Variants in GFRA1 observed in about 807,000 individuals in gnomAD.
GFRA1 encodes the protein GDNF family receptor alpha-1.
Under a neutral mutation model 51.6 loss-of-function variants are expected in GFRA1, and 16 were observed. That is an observed-to-expected ratio of 0.31 (90% CI 0.21 to 0.47). The LOEUF is 0.47. Among genes scored for constraint, GFRA1 ranks in the 20% least tolerant of loss-of-function variants. GFRA1 has a pLI of 1.00. For missense variants in GFRA1, 530 were observed against 594.3 expected (o/e 0.89, Z 1.13); for synonymous variants, 270 against 241.3 (o/e 1.12, Z -1.10).
chr10:116,125,127 G>T, intron 6 of GFRA1, 94 bp downstream of exon 6: 6 of 1,092,196 alleles, frequency 5.5e-6, no homozygotes, highest in Non-Finnish European at 8.4e-6. Flanking sequence ...CCTCTACCTT[G>T]GTAGAAGCAC....
intron 5 of GFRA1, among the ~76,000 whole-genome samples, chr10:116,161,055 C>A (rs1959726045): frequency 6.6e-6 from 1 of 152,150 alleles, no homozygotes; most frequent in Admixed American, 6.5e-5. Flanking sequence ...GGAGGAGGAG[C>A]CTGGGAGGCA....
In GFRA1 at chr10:116,234,201, C is replaced by T. The variant is rs539118328; in HGVS notation, c.419-22556G>A. On this transcript the variant is annotated intron_variant, in intron 4 of 10. Coordinates refer to ENST00000355422, the MANE Select transcript of GFRA1 (RefSeq NM_005264.8). Reference sequence around the variant, plus strand: ...CTAGAAGAGTTTGCCTTTTTTCCCCCTTCAGTGAAACTTTTAAAGTCCCTG... The same window carrying T: ...CTAGAAGAGTTTGCCTTTTTTCCCCTTTCAGTGAAACTTTTAAAGTCCCTG... 3.9e-5 allele frequency among the ~76,000 whole-genome samples: 6 copies of T among 152,246 alleles called. No individual in the cohort carries two copies. The South Asian group carries it at 1.2e-3, about 32-fold the overall frequency.
chr10:116,096,689 G>A lies in GFRA1; in HGVS notation c.846C>T (p.Tyr282=), dbSNP rs1186028345. 3.1e-6 allele frequency: 5 copies of A among 1,609,508 alleles called. No homozygotes were observed. The highest frequency in any genetic ancestry group is 2.2e-5 in the East Asian group (1 of 44,850). The change falls in exon 7 of 11, where the codon TAC becomes TAT. Residue 282 remains tyrosine (Y), a synonymous_variant. Coordinates refer to ENST00000355422, the MANE Select transcript of GFRA1 (RefSeq NM_005264.8). ...RSVSSCLKEN[Y]ADCLLAYSGL... The stretch of plus-strand genomic sequence containing the variant: ...CCGAGTAGGCGAGGAGGCAGTCAGC[G>A]TAGTTTTCCTTTAGACAGCTGCTGA...
intron 5 of GFRA1, among the ~76,000 whole-genome samples, chr10:116,207,943 T>C (rs983901423): frequency 5.3e-5 from 8 of 152,102 alleles, no homozygotes; most frequent in African/African-American, 1.9e-4. Context: ...TGATCTGCAC[T>C]TCTCATGTAC....
chr10:116,155,594 T>G (rs2134155823), intron 5 of GFRA1, among the ~76,000 whole-genome samples: 2 of 152,332 alleles, frequency 1.3e-5, no homozygotes, highest in South Asian at 4.1e-4. Flanking sequence ...CACCAATTTT[T>G]CCGAGCACAT....
chr10:116,163,008 G>A (rs1159646960), intron 5 of GFRA1, among the ~76,000 whole-genome samples: 1 of 152,172 alleles, frequency 6.6e-6, no homozygotes, highest in Non-Finnish European at 1.5e-5. Context: ...CCATTTTAAT[G>A]TCACATGCTG....
intron 4 of GFRA1, among the ~76,000 whole-genome samples, chr10:116,267,585 AC>A (rs1057021245): frequency 1.2e-4 from 18 of 152,098 alleles, no homozygotes; most frequent in African/African-American, 3.9e-4. Flanking sequence ...AGAGGTTCAT[AC>A]CCTTCCAGGC....
In GFRA1 at chr10:116,269,601, A is replaced by C; in HGVS notation, c.335-15T>G. On this transcript the variant is annotated splice_polypyrimidine_tract_variant and intron_variant, in intron 3 of 10. Transcript: ENST00000355422. Reference sequence around the variant, plus strand: ...CAGATCATTTCCTAAAAACAACAGAAAGATTGGGCTCAGATCAGAAAAACA... The same window carrying C: ...CAGATCATTTCCTAAAAACAACAGACAGATTGGGCTCAGATCAGAAAAACA... The C allele has an allele frequency of 6.8e-7, 1 of 1,476,130 alleles. No individual in the cohort carries two copies. Among genetic ancestry groups the C allele is most frequent in the Non-Finnish European group, 9.5e-7 (1 of 1,053,974 alleles). 91.4% of individuals were successfully genotyped at this position (1,476,130 alleles called of 1,614,324 possible). A position where few individuals can be genotyped will look rare whatever the true frequency, so the allele number is the denominator to read the frequency against.
intron 5 of GFRA1, among the ~76,000 whole-genome samples, chr10:116,148,603 A>C (rs563274242): frequency 1.2e-4 from 18 of 152,314 alleles, no homozygotes; most frequent in African/African-American, 4.3e-4. Flanking sequence ...ATCATTCACC[A>C]GTCACTTGCT....
At chr10:116,273,552 C>G (rs1012275730), upstream of GFRA1, 2 of 152,606 alleles carry the variant, frequency 1.3e-5, no homozygotes, top group African/African-American at 4.8e-5. Context: ...CAGCTGCACA[C>G]GCCCGCTTGC....
chr10:116,158,429 A>T (rs919421664), intron 5 of GFRA1, among the ~76,000 whole-genome samples: 2 of 152,198 alleles, frequency 1.3e-5, no homozygotes, highest in African/African-American at 4.8e-5. Context: ...AACCTTAGGA[A>T]AGGGTAGAAA....
intron 4 of GFRA1, among the ~76,000 whole-genome samples, chr10:116,240,321 ACTT>A (rs145063603): frequency 0.012 from 1,882 of 152,184 alleles, 46 homozygotes; most frequent in African/African-American, 0.043. Flanking sequence ...CCATGGCTGA[ACTT>A]CATCCTAGCT....
At chr10:116,247,613 G>A (rs899413818) in intron 4 of GFRA1, among the ~76,000 whole-genome samples, 7 of 152,142 alleles carry the variant, frequency 4.6e-5, no homozygotes, top group Admixed American at 3.3e-4. Context: ...CCACCTCTGA[G>A]GCTGGGCACT....
intron 4 of GFRA1, among the ~76,000 whole-genome samples, chr10:116,242,577 G>A (rs907349044): frequency 1.1e-4 from 17 of 151,998 alleles, no homozygotes; most frequent in South Asian, 1.0e-3. Context: ...TGACTCCCGG[G>A]TTCAAGCAAT....
intron 5 of GFRA1, among the ~76,000 whole-genome samples, chr10:116,163,631 TG>T (rs1960062314): frequency 6.6e-6 from 1 of 152,202 alleles, no homozygotes; most frequent in African/African-American, 2.4e-5. Context: ...TCCCCCAGCA[TG>T]GGGTGGCCTG....
chr10:116,138,984 C>T (rs912776036), intron 5 of GFRA1, among the ~76,000 whole-genome samples: 9 of 152,184 alleles, frequency 5.9e-5, no homozygotes, highest in African/African-American at 2.2e-4. Flanking sequence ...ATCTCTGCAG[C>T]TTAATCTGCC....
intron 4 of GFRA1, among the ~76,000 whole-genome samples, chr10:116,214,091 C>A (rs1414593820): frequency 7.0e-6 from 1 of 142,630 alleles, no homozygotes; most frequent in African/African-American, 2.6e-5. Context: ...GTGTACAGCT[C>A]CCTAAATATA....
chr10:116,251,849 T>C (rs1260330638), intron 4 of GFRA1, among the ~76,000 whole-genome samples: 1 of 151,404 alleles, frequency 6.6e-6, no homozygotes, highest in African/African-American at 2.4e-5. Flanking sequence ...AATGCAGTCA[T>C]GAGGCTGAGT....
In GFRA1 at chr10:116,059,803, C is replaced by T. The variant is rs1450566181; in HGVS notation, c.*4595G>A. ...ATCCCAAAGCTAAGAAGAGGGAGCT[C>T]AGAGGAGAGTTAGCTGGAGGAACTT... On this transcript the variant is annotated 3_prime_UTR_variant, in exon 11 of 11. Coordinates refer to ENST00000355422, the MANE Select transcript of GFRA1 (RefSeq NM_005264.8). The T allele has an allele frequency of 2.6e-5, 4 of 151,940 alleles. No individual in the cohort carries two copies. The East Asian group carries it at 7.7e-4, about 29-fold the overall frequency. The allele number at this position is 151,940 out of a possible 1,614,324, so 9.4% of individuals were successfully genotyped here.
Sources: gnomAD v4.1 joint callset for allele counts (sites outside exome capture counted in the v4.1 genomes callset) on GRCh38, gnomAD v4.1.1 for gene constraint, MANE v1.5 for transcripts, NCBI Gene and HGNC (gene_info 2026-07-23, HGNC 2026-07-21) for gene names.